The following AZI2 variants were observed in gnomAD, a reference collection of about 807,000 sequenced individuals.
The protein encoded by AZI2 is 5-azacytidine-induced protein 2.
In AZI2, 22 loss-of-function variants were observed where a neutral mutation model predicts 45.8. The observed-to-expected ratio is 0.48, with a 90% CI of 0.34 to 0.69. The LOEUF (loss-of-function observed/expected upper bound fraction) is 0.69. Among genes scored for constraint, AZI2 ranks in the 30% least tolerant of loss-of-function variants. The pLI is 0.01. For synonymous variants in AZI2, 137 were observed against 156.7 expected (o/e 0.87, Z 0.94); for missense variants, 417 against 441.5 (o/e 0.94, Z 0.50).
At chr3:28,335,994 C>A (rs904373400) in intron 5 of AZI2, among the ~76,000 whole-genome samples, 1 of 152,062 alleles carries the variant, frequency 6.6e-6, no homozygotes, top group Non-Finnish European at 1.5e-5. Context: ...GCATTTGGTG[C>A]ATTGCTCTCA....
In AZI2 at chr3:28,324,376, T is replaced by C; in HGVS notation, c.845A>G (p.Tyr282Cys). ...KLHLMNFTAT[Y>C]TRHPPLLPNG... ...TGGTAAGAGAGGGGGATGTCTTGTG[T>C]ATGTTGCAGTAAAATTCATCAAGTG... The change falls in exon 8 of 8, where the codon TAC becomes TGC. Residue 282 changes from tyrosine to cysteine, a missense_variant. By Grantham distance (194) the Tyr-to-Cys change is radical. Transcript: ENST00000479665. The C allele has an allele frequency of 1.3e-6, 2 of 1,571,880 alleles. No individual in the cohort carries two copies. Among genetic ancestry groups the C allele is most frequent in the Non-Finnish European group, 8.6e-7 (1 of 1,158,820 alleles).
At chr3:28,341,985 G>A (rs914095241) in intron 1 of AZI2, among the ~76,000 whole-genome samples, 1 of 152,032 alleles carries the variant, frequency 6.6e-6, no homozygotes, top group Non-Finnish European at 1.5e-5. Flanking sequence ...CTACAGCCAC[G>A]TTTCCAACCC....
intron 1 of AZI2, among the ~76,000 whole-genome samples, chr3:28,347,757 T>C (rs938984823): frequency 6.6e-6 from 1 of 152,224 alleles, no homozygotes; most frequent in Non-Finnish European, 1.5e-5. Context: ...CTGTAAAGGA[T>C]GCACTGTTCT....
chr3:28,324,266 A>C lies in AZI2; in HGVS notation c.955T>G (p.Trp319Gly). Residue 319 changes from tryptophan (W) to glycine (G), a missense_variant, in exon 8 of 8, where the codon TGG becomes GGG. By Grantham distance (184) the Trp-to-Gly change is radical. Coordinates refer to ENST00000479665, the MANE Select transcript of AZI2 (RefSeq NM_022461.5). ...VLSEKAILQS[W>G]TDNERSIPND... Reference sequence around the variant, plus strand: ...GGAATGGATCTCTCATTGTCTGTCCATGATTGGAGGATTGCTTTCTCTGAT... The same window carrying C: ...GGAATGGATCTCTCATTGTCTGTCCCTGATTGGAGGATTGCTTTCTCTGAT... 6.2e-7 allele frequency: 1 copy of C among 1,609,494 alleles called. No individual in the cohort carries two copies.
At chr3:28,328,275 T>A (rs1389419207) in intron 6 of AZI2, among the ~76,000 whole-genome samples, 1 of 151,110 alleles carries the variant, frequency 6.6e-6, no homozygotes, top group Non-Finnish European at 1.5e-5. Flanking sequence ...ATGTTTCACA[T>A]AGGAACCTGT....
chr3:28,344,487 C>A (rs372576046), intron 1 of AZI2, among the ~76,000 whole-genome samples: 2 of 151,978 alleles, frequency 1.3e-5, no homozygotes, highest in Middle Eastern at 3.2e-3. Flanking sequence ...ACGCAAGCAT[C>A]CTTTATAAAA....
intron 7 of AZI2, 24 bp from the exon 8 acceptor site, chr3:28,324,478 T>A: frequency 5.6e-6 from 8 of 1,435,676 alleles, no homozygotes; most frequent in Non-Finnish European, 7.4e-6. Context: ...ACAGACTAAA[T>A]GTCAGTTTTC....
At chr3:28,340,255 A>T in intron 2 of AZI2, 147 bp downstream of exon 2, 1 of 604,352 alleles carries the variant, frequency 1.7e-6, no homozygotes, top group South Asian at 2.1e-5. Flanking sequence ...GGATAAGTAT[A>T]ATGCCCAGAG....
intron 1 of AZI2, among the ~76,000 whole-genome samples, chr3:28,343,310 C>T (rs1218658794): frequency 6.6e-6 from 1 of 151,960 alleles, no homozygotes; most frequent in Non-Finnish European, 1.5e-5. Context: ...GTACTTACAC[C>T]TTTACAGTTT....
At chr3:28,330,859 T>C (rs1266722324) in intron 6 of AZI2, among the ~76,000 whole-genome samples, 2 of 151,364 alleles carry the variant, frequency 1.3e-5, no homozygotes, top group African/African-American at 4.8e-5. Context: ...GAAGTAACTT[T>C]TAAACTGAAT....
In AZI2 at chr3:28,322,745, A is replaced by G. The variant is rs1056635776; in HGVS notation, c.*1297T>C. On this transcript the variant is annotated 3_prime_UTR_variant, in exon 8 of 8. Transcript: ENST00000479665. ...TTCCATTAATCACAGACAAGCTTGA[A>G]TAAGTGTAAGATAATAGAAAAAAAT... is the stretch of plus-strand genomic sequence containing the variant. 4 of 151,644 alleles carry G rather than the reference A, an allele frequency of 2.6e-5. No homozygotes were observed. 9.4% of individuals were successfully genotyped at this position (151,644 alleles called of 1,614,324 possible).
intron 2 of AZI2, 140 bp downstream of exon 2, chr3:28,340,262 A>C: frequency 1.6e-6 from 1 of 620,086 alleles, no homozygotes; most frequent in Non-Finnish European, 2.8e-6. Context: ...TATAATGCCC[A>C]GAGTTTTCAG....
chr3:28,326,049 T>A (rs145126541), intron 7 of AZI2, among the ~76,000 whole-genome samples: 31 of 151,232 alleles, frequency 2.0e-4, no homozygotes, highest in African/African-American at 7.0e-4. Context: ...TTAAACTAGA[T>A]GGTGATAATC....
intron 1 of AZI2, among the ~76,000 whole-genome samples, chr3:28,343,532 T>C (rs949687273): frequency 2.0e-5 from 3 of 151,974 alleles, no homozygotes; most frequent in African/African-American, 7.2e-5. Context: ...ACTTACAATG[T>C]TGATTTTTTT....
At chr3:28,333,242 T>G (rs547122803) in intron 5 of AZI2, among the ~76,000 whole-genome samples, 99 of 151,916 alleles carry the variant, frequency 6.5e-4, no homozygotes, top group African/African-American at 2.4e-3. Context: ...AAGGACTTCA[T>G]GAGTACTCTC....
intron 1 of AZI2, among the ~76,000 whole-genome samples, chr3:28,344,884 A>T (rs1055954567): frequency 6.6e-6 from 1 of 152,168 alleles, no homozygotes; most frequent in African/African-American, 2.4e-5. Flanking sequence ...CAGAAACTGA[A>T]CTTTCAAAAC....
intron 5 of AZI2, among the ~76,000 whole-genome samples, chr3:28,333,861 G>A (rs1244792202): frequency 6.6e-6 from 1 of 151,554 alleles, no homozygotes; most frequent in African/African-American, 2.4e-5. Flanking sequence ...CTATACTATA[G>A]CAGAACCTTT....
At position 28,321,670 on chromosome 3, in the gene AZI2, G is replaced by A. The variant is rs1414262816; in HGVS notation, c.*2372C>T. 1 of 151,278 alleles carries A rather than the reference G, an allele frequency of 6.6e-6. No homozygotes were observed. The highest frequency in any genetic ancestry group is 1.9e-4 in the East Asian group (1 of 5,140). 9.4% of individuals were successfully genotyped at this position (151,278 alleles called of 1,614,324 possible). On this transcript the variant is annotated 3_prime_UTR_variant, in exon 8 of 8. Transcript: ENST00000479665. ...AAGTAGCCTTTCTGAATTAAGATCA[G>A]TACTTTGTTGTCACATGATTCAGCT...
At chr3:28,330,250 G>A (rs528976874) in intron 6 of AZI2, among the ~76,000 whole-genome samples, 7 of 151,124 alleles carry the variant, frequency 4.6e-5, no homozygotes, top group Non-Finnish European at 7.4e-5. Flanking sequence ...CATATAAAAG[G>A]CCTCCAGTAA....
Sources: allele counts gnomAD v4.1 joint callset (sites outside exome capture counted in the v4.1 genomes callset), GRCh38; gene constraint gnomAD v4.1.1; transcripts MANE v1.5; gene names NCBI Gene and HGNC (gene_info 2026-07-23, HGNC 2026-07-21).